The following G3BP1 variants were observed in gnomAD, a reference collection of about 807,000 sequenced individuals.
G3BP1 encodes the protein G3BP stress granule assembly factor 1, also known as ras GTPase-activating protein-binding protein 1.
A neutral mutation model predicts 58.6 loss-of-function variants in G3BP1; 35 were observed. The observed-to-expected ratio is 0.60, with a 90% CI of 0.46 to 0.79. The LOEUF is 0.79. Among genes scored for constraint, G3BP1 ranks in the 30% least tolerant of loss-of-function variants. G3BP1 has a pLI of 0.00. For missense variants in G3BP1, 523 were observed against 580.8 expected, an observed-to-expected ratio of 0.90 and a Z score of 1.02; for synonymous variants, 191 against 195.4, an observed-to-expected ratio of 0.98 and a Z score of 0.19.
At position 151,806,692 on chromosome 5, in the gene G3BP1, A is replaced by G. The variant is rs1284911247; in HGVS notation, c.*2601A>G. ...GGTGGCAGCAGTAGGAGCTCATCAC[A>G]TTGAACATTTTCAGATTTTAAAATG... On this transcript the variant is annotated 3_prime_UTR_variant, in exon 12 of 12. Transcript: ENST00000356245. 3 of 152,218 alleles carry G rather than the reference A, an allele frequency of 2.0e-5. No homozygotes were observed. The highest frequency in any genetic ancestry group is 4.8e-5 in the African/African-American group (2 of 41,458). 9.4% of individuals were successfully genotyped at this position (152,218 alleles called of 1,614,324 possible).
At chr5:151,798,207 G>C (rs1430938599) in intron 7 of G3BP1, among the ~76,000 whole-genome samples, 2 of 152,186 alleles carry the variant, frequency 1.3e-5, no homozygotes, top group Admixed American at 6.5e-5. Context: ...AAAATTAGCT[G>C]GGCATGGTGG....
intron 2 of G3BP1, 57 bp from the exon 3 acceptor site, chr5:151,790,266 G>GA: frequency 1.1e-6 from 1 of 935,986 alleles, no homozygotes; most frequent in Non-Finnish European, 1.6e-6. Context: ...TATCAGACGT[G>GA]AAAAATAAAC....
chr5:151,783,909 C>T (rs1429650527), intron 1 of G3BP1, among the ~76,000 whole-genome samples: 4 of 151,918 alleles, frequency 2.6e-5, no homozygotes, highest in African/African-American at 9.7e-5. Context: ...ATTACAGGCG[C>T]GTGCCACCAC....
chr5:151,791,487 T>TAA (rs1030920625), intron 4 of G3BP1: 4 of 159,634 alleles, frequency 2.5e-5, no homozygotes, highest in African/African-American at 9.6e-5. Flanking sequence ...ACTTGTTCCT[T>TAA]AATCTTTTGT....
At chr5:151,801,809 T>C (rs1762855043) in intron 11 of G3BP1, among the ~76,000 whole-genome samples, 1 of 151,732 alleles carries the variant, frequency 6.6e-6, no homozygotes. Context: ...GCAAAGTTTT[T>C]TATTTTTTTA....
intron 7 of G3BP1, 36 bp from the exon 8 acceptor site, chr5:151,799,176 T>C: frequency 1.0e-6 from 1 of 975,444 alleles, no homozygotes; most frequent in South Asian, 1.3e-5. Context: ...TTTTGATACC[T>C]GGTATAATTA....
At position 151,803,887 on chromosome 5, in the gene G3BP1, C is replaced by T. The variant is rs777800615; in HGVS notation, c.1197C>T (p.Pro399=). ...TCTGGTCACCTTGATTCTTACAGCC[C>T]ATCATGTTCAGAGGTGAGGTCCGTC... ...EPVQKVLSNR[P]IMFRGEVRLN... Residue 399 remains proline (P), a splice_region_variant and synonymous_variant, in exon 12 of 12, where the codon CCC becomes CCT. Transcript: ENST00000356245. 1 of 1,608,054 alleles carries T rather than the reference C, an allele frequency of 6.2e-7. No homozygotes were observed. Among genetic ancestry groups the T allele is most frequent in the Non-Finnish European group, 8.5e-7 (1 of 1,174,960 alleles).
intron 8 of G3BP1, 92 bp downstream of exon 8, chr5:151,799,405 C>G: frequency 1.3e-6 from 1 of 741,760 alleles, no homozygotes; most frequent in Non-Finnish European, 2.4e-6. Flanking sequence ...GAAAACTGGT[C>G]AGGTGCAGTG....
rs114939976 is a variant in G3BP1, at chr5:151,779,962, A to C, written c.-49-6610A>C. On this transcript the variant is annotated intron_variant, in intron 1 of 11. Transcript: ENST00000356245. ...TTGGGTGAGTTTCTTTTGTATATGT[A>C]CCTAGAAGAGAACTGCTAGATTTTC... Among the ~76,000 whole-genome samples the C allele has an allele frequency of 6.5e-3, 991 of 152,296 alleles. 11 individuals carry two copies. The highest frequency in any genetic ancestry group is 0.022 in the African/African-American group (924 of 41,544).
In G3BP1 at chr5:151,790,363, G is replaced by A; in HGVS notation, c.136G>A (p.Asp46Asn). 6.3e-7 allele frequency: 1 copy of A among 1,585,254 alleles called. No homozygotes were observed. The highest frequency in any genetic ancestry group is 8.6e-7 in the Non-Finnish European group (1 of 1,165,926). Residue 46 changes from aspartate (D) to asparagine (N), a missense_variant, in exon 3 of 12, where the codon GAT becomes AAT. Physicochemically the swap from Asp to Asn is conservative, Grantham distance 23 (BLOSUM62 1). Transcript: ENST00000356245. ...CTCTTCTTATGTCCATGGGGGATTG[G>A]ATTCAAATGGAAAGCCAGCAGATGC... ...KNSSYVHGGLDSNGKPADAVY... is the reference protein window; with the variant it reads ...KNSSYVHGGLNSNGKPADAVY...
chr5:151,797,766 C>A (rs80040995), intron 7 of G3BP1, among the ~76,000 whole-genome samples: 434 of 152,292 alleles, frequency 2.8e-3, no homozygotes, highest in Middle Eastern at 0.01. Flanking sequence ...CTTGTTACTA[C>A]AAGTGCATAA....
Position 151,797,226 on chromosome 5 carries a change from G to A in G3BP1, c.540-1G>A. ...ATATTTCTCAAATTTTCCTGTCAAA[G>A]TAATGACATGGAAGAACATTTAGAG... On this transcript the variant is annotated splice_acceptor_variant, in intron 6 of 11. Coordinates refer to ENST00000356245, the MANE Select transcript of G3BP1 (RefSeq NM_005754.3). LOFTEE classifies it high-confidence loss of function. 6.2e-7 allele frequency: 1 copy of A among 1,613,116 alleles called. No homozygotes were observed. Among genetic ancestry groups the A allele is most frequent in the Non-Finnish European group, 8.5e-7 (1 of 1,179,408 alleles).
chr5:151,789,736 A>G (rs1762615156), intron 2 of G3BP1, among the ~76,000 whole-genome samples: 1 of 152,226 alleles, frequency 6.6e-6, no homozygotes, highest in Non-Finnish European at 1.5e-5. Context: ...ATTGGTGGCC[A>G]TCTTGACATG....
chr5:151,774,555 C>G (rs1202800562), intron 1 of G3BP1, among the ~76,000 whole-genome samples: 1 of 151,274 alleles, frequency 6.6e-6, no homozygotes, highest in African/African-American at 2.4e-5. Flanking sequence ...ATAAAACTGC[C>G]CACTTGGTCT....
At chr5:151,780,399 CT>C (rs1304063661) in intron 1 of G3BP1, among the ~76,000 whole-genome samples, 20 of 152,148 alleles carry the variant, frequency 1.3e-4, no homozygotes, top group Admixed American at 1.2e-3. Context: ...CATTTGGCTA[CT>C]TTTTATTTTG....
chr5:151,781,267 A>T (rs761338434), intron 1 of G3BP1, among the ~76,000 whole-genome samples: 4 of 152,230 alleles, frequency 2.6e-5, no homozygotes, highest in Non-Finnish European at 4.4e-5. Context: ...GTCAAGAGAA[A>T]TGTAAACAAA....
At position 151,791,007 on chromosome 5, in the gene G3BP1, C is replaced by G. The variant is rs1166642551; in HGVS notation, c.296C>G (p.Ser99Cys). ...GTAGTCCAGGTGATGGGGCTTCTCT[C>G]TAACAACAACCAGGCTTTGAGGAGA... Reference protein sequence around the residue: ...GVVVQVMGLLSNNNQALRRFM... With the variant: ...GVVVQVMGLLCNNNQALRRFM... The change falls in exon 4 of 12, where the codon TCT (serine) becomes TGT (cysteine). Residue 99 changes from serine to cysteine, a missense_variant. Coordinates refer to ENST00000356245, the MANE Select transcript of G3BP1 (RefSeq NM_005754.3). 2 of 1,613,792 alleles carry G rather than the reference C, an allele frequency of 1.2e-6. No individual in the cohort carries two copies. Among genetic ancestry groups the G allele is most frequent in the Non-Finnish European group, 1.7e-6 (2 of 1,179,806 alleles).
intron 4 of G3BP1, 137 bp from the exon 5 acceptor site, chr5:151,794,022 A>G: frequency 3.4e-6 from 2 of 596,780 alleles, no homozygotes; most frequent in Middle Eastern, 4.6e-4. Context: ...GAACCCCACA[A>G]CAACAAAAAC....
At chr5:151,777,468 C>T (rs1325217987) in intron 1 of G3BP1, among the ~76,000 whole-genome samples, 3 of 152,178 alleles carry the variant, frequency 2.0e-5, no homozygotes, top group Non-Finnish European at 4.4e-5. Context: ...CCATTCCCTT[C>T]CTTCCAGGGA....
Sources: gnomAD v4.1 joint callset for allele counts (sites outside exome capture counted in the v4.1 genomes callset) on GRCh38, gnomAD v4.1.1 for gene constraint, MANE v1.5 for transcripts, NCBI Gene and HGNC (gene_info 2026-07-23, HGNC 2026-07-21) for gene names.